SAMD12: variants seen among roughly 807,000 people sequenced by gnomAD.
SAMD12 encodes the protein sterile alpha motif domain containing 12, also known as sterile alpha motif domain-containing protein 12.
Under a neutral mutation model 15.0 loss-of-function variants are expected in SAMD12, and 9 were observed. That is an observed-to-expected ratio of 0.60 (90% CI 0.36 to 1.05). The LOEUF is 1.05. SAMD12 is among the 50% of genes least tolerant of loss of function. SAMD12 has a pLI of 0.01. For missense variants in SAMD12, 230 were observed against 234.2 expected (o/e 0.98, Z 0.12); for synonymous variants, 86 against 90.1 (o/e 0.96, Z 0.25).
intron 2 of SAMD12, among the ~76,000 whole-genome samples, chr8:118,459,554 A>C (rs1563873336): frequency 6.6e-6 from 1 of 152,220 alleles, no homozygotes; most frequent in Non-Finnish European, 1.5e-5. Context: ...ACTGCATCTT[A>C]TAATTCAAAT....
At chr8:118,272,897 C>A (rs1458631858) in intron 4 of SAMD12, among the ~76,000 whole-genome samples, 4 of 152,200 alleles carry the variant, frequency 2.6e-5, no homozygotes, top group Non-Finnish European at 4.4e-5. Flanking sequence ...CTCCTGAGCT[C>A]TCCAAGTGTG....
At chr8:118,384,975 G>GGAAT (rs1360430432) in intron 3 of SAMD12, among the ~76,000 whole-genome samples, 1 of 152,032 alleles carries the variant, frequency 6.6e-6, no homozygotes, top group Non-Finnish European at 1.5e-5. Flanking sequence ...CTCGGGCCAG[G>GGAAT]GAATATTCAG....
chr8:118,393,382 G>GTA (rs1438567835), intron 3 of SAMD12, among the ~76,000 whole-genome samples: 1 of 87,472 alleles, frequency 1.1e-5, no homozygotes, highest in Non-Finnish European at 2.5e-5. Flanking sequence ...ATGTATGTGT[G>GTA]TATATACATA....
chr8:118,267,229 A>G (rs1385819695), intron 4 of SAMD12, among the ~76,000 whole-genome samples: 2 of 152,158 alleles, frequency 1.3e-5, no homozygotes, highest in African/African-American at 4.8e-5. Flanking sequence ...CCTTTTTAAG[A>G]AAAAGGCATA....
At chr8:118,526,866 A>C (rs1825551590) in intron 2 of SAMD12, among the ~76,000 whole-genome samples, 1 of 152,228 alleles carries the variant, frequency 6.6e-6, no homozygotes, top group African/African-American at 2.4e-5. Context: ...CAGGGCTAAA[A>C]GGAAAACATT....
At position 118,382,372 on chromosome 8, in the gene SAMD12, C is replaced by T. The variant is rs191469377; in HGVS notation, c.323-2672G>A. Among the ~76,000 whole-genome samples the T allele has an allele frequency of 4.5e-4, 69 of 152,282 alleles. 1 individual carries two copies. Among genetic ancestry groups the T allele is most frequent in the Middle Eastern group, 3.4e-3 (1 of 294 alleles). On this transcript the variant is annotated intron_variant, in intron 3 of 3. Transcript: ENST00000314727. ...AGAACACAGTGTTAAGGCATCAGAG[C>T]GAGGGTTTTGTTCCAGTGCATGCAG...
intron 2 of SAMD12, among the ~76,000 whole-genome samples, chr8:118,560,871 C>T (rs1199431071): frequency 6.6e-6 from 1 of 151,948 alleles, no homozygotes; most frequent in Non-Finnish European, 1.5e-5. Context: ...ATAATACAAA[C>T]TTATTGTTTT....
At chr8:118,357,342 A>G (rs1818280834) in intron 4 of SAMD12, among the ~76,000 whole-genome samples, 1 of 152,112 alleles carries the variant, frequency 6.6e-6, no homozygotes, top group African/African-American at 2.4e-5. Flanking sequence ...GGCTCAAGCG[A>G]TTCTTGTGCC....
intron 2 of SAMD12, among the ~76,000 whole-genome samples, chr8:118,461,659 G>A (rs951150494): frequency 1.3e-5 from 2 of 152,056 alleles, no homozygotes; most frequent in Non-Finnish European, 2.9e-5. Flanking sequence ...TACTTAATAA[G>A]TTTTAGCTAT....
At chr8:118,443,047 T>G (rs1662379610) in intron 2 of SAMD12, among the ~76,000 whole-genome samples, 1 of 152,192 alleles carries the variant, frequency 6.6e-6, no homozygotes, top group Non-Finnish European at 1.5e-5. Flanking sequence ...TTTCCTTTTA[T>G]CATAAATTCA....
intron 1 of SAMD12, among the ~76,000 whole-genome samples, chr8:118,606,291 G>A (rs1360483223): frequency 6.6e-6 from 1 of 152,074 alleles, no homozygotes. Flanking sequence ...AATGATGGAA[G>A]CCTCAAGAAA....
the SAMD12 span, among the ~76,000 whole-genome samples, chr8:118,150,935 T>C: frequency 2.4e-3 from 370 of 152,270 alleles, 1 homozygote; most frequent in African/African-American, 8.3e-3. Flanking sequence ...AAGCCAGGGA[T>C]AATGGCACAC....
chr8:118,203,382 A>G (rs909202602), intron 4 of SAMD12, among the ~76,000 whole-genome samples: 11 of 119,296 alleles, frequency 9.2e-5, no homozygotes, highest in Admixed American at 3.9e-4. Flanking sequence ...GGTGGTAACA[A>G]CTTGTGTGTG....
At position 118,619,933 on chromosome 8, in the gene SAMD12, T is replaced by A. The variant is rs1828348673; in HGVS notation, c.13+1871A>T. 2.0e-5 allele frequency among the ~76,000 whole-genome samples: 3 copies of A among 152,294 alleles called. No individual in the cohort carries two copies. The South Asian group carries it at 6.2e-4, about 32-fold the overall frequency. ...GCAAAGACCAAAGATAGGAATCATA[T>A]TTGAAGTTAAAGTTTAAAATACTTC... is the stretch of plus-strand genomic sequence containing the variant. On this transcript the variant is annotated intron_variant, in intron 1 of 3. Transcript: ENST00000314727.
intron 4 of SAMD12, among the ~76,000 whole-genome samples, chr8:118,241,340 A>C (rs779281320): frequency 2.0e-5 from 3 of 152,280 alleles, no homozygotes; most frequent in Non-Finnish European, 4.4e-5. Context: ...CTTTCAGAAC[A>C]GGACTCATTA....
At chr8:118,320,751 G>A (rs1422716295) in intron 4 of SAMD12, among the ~76,000 whole-genome samples, 2 of 150,772 alleles carry the variant, frequency 1.3e-5, no homozygotes, top group East Asian at 3.9e-4. Context: ...CACCAACACG[G>A]TACATGTATA....
chr8:118,437,142 CT>C (rs1404044814), intron 3 of SAMD12, among the ~76,000 whole-genome samples: 1 of 152,184 alleles, frequency 6.6e-6, no homozygotes, highest in African/African-American at 2.4e-5. Flanking sequence ...ATTCCCACAG[CT>C]TCTAGCATCA....
chr8:118,277,189 TA>T (rs1813495205), intron 4 of SAMD12, among the ~76,000 whole-genome samples: 1 of 152,200 alleles, frequency 6.6e-6, no homozygotes, highest in Admixed American at 6.6e-5. Flanking sequence ...TTCAATCTGC[TA>T]TTCCACTCAC....
chr8:118,269,875 A>G (rs900914263), intron 4 of SAMD12, among the ~76,000 whole-genome samples: 6 of 152,072 alleles, frequency 3.9e-5, no homozygotes, highest in African/African-American at 1.4e-4. Flanking sequence ...TGGATCCAAG[A>G]CTCATCTCCA....
Sources: gnomAD v4.1 joint callset for allele counts (sites outside exome capture counted in the v4.1 genomes callset) on GRCh38, gnomAD v4.1.1 for gene constraint, MANE v1.5 for transcripts, NCBI Gene and HGNC (gene_info 2026-07-23, HGNC 2026-07-21) for gene names.